SYNJ2: variants seen among roughly 807,000 people sequenced by gnomAD.
SYNJ2 encodes the protein synaptojanin 2.
SYNJ2 carries 116 observed loss-of-function variants against 141.3 expected under a neutral mutation model. That is an observed-to-expected ratio of 0.82 (90% CI 0.71 to 0.96). The LOEUF (loss-of-function observed/expected upper bound fraction) is 0.96, where lower values mean the gene tolerates loss of function less well. Ranked by LOEUF, SYNJ2 falls within the 40% of genes least tolerant of loss-of-function variation. SYNJ2 has a pLI of 0.00. For synonymous variants in SYNJ2, 745 were observed against 777.7 expected (o/e 0.96, Z 0.70); for missense variants, 1,873 against 1,934.8 (o/e 0.97, Z 0.60).
At chr6:158,095,438 T>G (rs1351487251) in intron 26 of SYNJ2, among the ~76,000 whole-genome samples, 180 bp from the exon 27 acceptor site, 1 of 152,184 alleles carries the variant, frequency 6.6e-6, no homozygotes, top group Non-Finnish European at 1.5e-5. Flanking sequence ...GTGTTTCTCC[T>G]GTGCTTTTTC....
chr6:158,059,649 G>C (rs949519366), intron 7 of SYNJ2: 70 of 931,214 alleles, frequency 7.5e-5, no homozygotes, highest in Non-Finnish European at 8.9e-5. Context: ...CTGCCTCCCA[G>C]GTACAAGCGA....
At chr6:158,058,486 T>G (rs1449593164) in intron 6 of SYNJ2, among the ~76,000 whole-genome samples, 1 of 152,228 alleles carries the variant, frequency 6.6e-6, no homozygotes, top group Admixed American at 6.5e-5. Flanking sequence ...TTGTATCTCC[T>G]TGTTGTGGTT....
chr6:158,093,971 A>G (rs779436117), intron 26 of SYNJ2: 1 of 765,240 alleles, frequency 1.3e-6, no homozygotes, highest in Non-Finnish European at 2.4e-6. Context: ...TAGCAGCCCA[A>G]AGACTGGCAT....
chr6:158,028,987 A>G lies in SYNJ2; in HGVS notation c.446A>G (p.Gln149Arg). ...RFDLTVRTQK[Q>R]GDDSSEWGNS... is the part of the protein sequence containing the mutation. The stretch of plus-strand genomic sequence containing the variant: ...GACCTGACTGTCCGCACGCAGAAGC[A>G]GGGGGATGACAGCTCTGAATGGGGG... Residue 149 changes from glutamine to arginine, a missense_variant, in exon 3 of 27, where the codon CAG (glutamine) becomes CGG (arginine). By Grantham distance (43) the Gln-to-Arg change is conservative (BLOSUM62 1). Coordinates refer to ENST00000355585, the MANE Select transcript of SYNJ2 (RefSeq NM_003898.4). The G allele has an allele frequency of 6.2e-7, 1 of 1,610,132 alleles. No homozygotes were observed. The highest frequency in any genetic ancestry group is 8.5e-7 in the Non-Finnish European group (1 of 1,179,048).
chr6:158,033,356 A>G lies in SYNJ2; in HGVS notation c.486-99A>G, dbSNP rs945632437. 160 of 1,312,664 alleles carry G rather than the reference A, an allele frequency of 1.2e-4. 1 individual carries two copies. In the Admixed American group the frequency reaches 3.2e-3, roughly 26 times the overall value. 81.3% of individuals were successfully genotyped at this position (1,312,664 alleles called of 1,614,324 possible). A position where few individuals can be genotyped will look rare whatever the true frequency, so the allele number is the denominator to read the frequency against. Reference sequence around the variant, plus strand: ...TGCATTCGCTGACCCGAAATGCTGCACCGTGCGCCCCCCAGTTCCTCAGCC... The same window carrying G: ...TGCATTCGCTGACCCGAAATGCTGCGCCGTGCGCCCCCCAGTTCCTCAGCC... On this transcript the variant is annotated intron_variant, in intron 3 of 26. Coordinates refer to ENST00000355585, the MANE Select transcript of SYNJ2 (RefSeq NM_003898.4).
rs546404564 is a variant in SYNJ2, at chr6:158,014,531, T to G, written c.128-2673T>G. Among the ~76,000 whole-genome samples the G allele has an allele frequency of 2.0e-3, 304 of 152,342 alleles. 1 individual carries two copies. The highest frequency in any genetic ancestry group is 6.7e-3 in the African/African-American group (277 of 41,566). ...GCTACTGTGAATAATGGGAATTGGG[T>G]GTATTTTCAAGTTGTTGGCCTCTCC... On this transcript the variant is annotated intron_variant, in intron 1 of 26. Transcript: ENST00000355585.
chr6:158,064,473 C>A, intron 9 of SYNJ2, 128 bp from the exon 10 acceptor site: 1 of 1,195,512 alleles, frequency 8.4e-7, no homozygotes, highest in Non-Finnish European at 1.2e-6. Flanking sequence ...TCCTCATCCT[C>A]TGGAGGGGCA....
At position 158,050,202 on chromosome 6, in the gene SYNJ2, A is replaced by G. The variant is rs541877956; in HGVS notation, c.796-4765A>G. The stretch of plus-strand genomic sequence containing the variant: ...CCAGAAATAAGTCAAAACCAGAACC[A>G]CTCAAACTTCAGCGTGTGTGCATAG... On this transcript the variant is annotated intron_variant, in intron 5 of 26. Transcript: ENST00000355585. Among the ~76,000 whole-genome samples, 11 of 152,280 alleles carry G rather than the reference A, an allele frequency of 7.2e-5. No individual in the cohort carries two copies. The East Asian group carries it at 2.1e-3, about 29-fold the overall frequency.
intron 1 of SYNJ2, among the ~76,000 whole-genome samples, chr6:157,992,895 C>T (rs1319848274): frequency 6.6e-6 from 1 of 152,164 alleles, no homozygotes; most frequent in Non-Finnish European, 1.5e-5. Context: ...AACAGTGCTG[C>T]AACTAACATG....
chr6:158,094,298 G>A (rs141449103), intron 26 of SYNJ2, among the ~76,000 whole-genome samples: 61 of 150,174 alleles, frequency 4.1e-4, no homozygotes, highest in African/African-American at 1.1e-3. Context: ...GAAAAATAGC[G>A]TGTCAAAACT....
chr6:158,034,824 CA>C (rs1458752527), intron 4 of SYNJ2, among the ~76,000 whole-genome samples: 4 of 152,168 alleles, frequency 2.6e-5, no homozygotes, highest in African/African-American at 9.7e-5. Flanking sequence ...GTTTTACATT[CA>C]AGTCTTTAAC....
At chr6:158,038,289 G>T (rs1779745907) in intron 4 of SYNJ2, among the ~76,000 whole-genome samples, 1 of 152,104 alleles carries the variant, frequency 6.6e-6, no homozygotes, top group Admixed American at 6.5e-5. Context: ...TCTCCATGAA[G>T]TCCCCACCCA....
At chr6:158,000,651 T>TC (rs1252734788) in intron 1 of SYNJ2, among the ~76,000 whole-genome samples, 6 of 151,894 alleles carry the variant, frequency 4.0e-5, no homozygotes, top group African/African-American at 7.3e-5. Flanking sequence ...TGATCAACTC[T>TC]CCCCGCCGAC....
chr6:158,055,058 G>C (rs775850336), intron 6 of SYNJ2, 30 bp downstream of exon 6: 1 of 1,611,354 alleles, frequency 6.2e-7, no homozygotes, highest in Non-Finnish European at 8.5e-7. Flanking sequence ...ATCCAAGCCT[G>C]TCATTGTCAT....
intron 11 of SYNJ2, 47 bp from the exon 12 acceptor site, chr6:158,066,397 G>T: frequency 6.2e-7 from 1 of 1,607,466 alleles, no homozygotes; most frequent in South Asian, 1.1e-5. Flanking sequence ...GAGGATGCCT[G>T]AGCTTTGGAA....
intron 1 of SYNJ2, among the ~76,000 whole-genome samples, chr6:158,016,144 C>A (rs1016029453): frequency 2.0e-5 from 3 of 152,144 alleles, no homozygotes; most frequent in Non-Finnish European, 4.4e-5. Context: ...GACAGAGTCT[C>A]ACTCTGTCAC....
chr6:158,066,057 A>T (rs1781542264), intron 11 of SYNJ2, among the ~76,000 whole-genome samples: 1 of 152,172 alleles, frequency 6.6e-6, no homozygotes. Context: ...TACACAATGA[A>T]ATATGGTCAG....
In SYNJ2 at chr6:158,027,766, C is replaced by CCTGTCCT. The variant is rs1318431926; in HGVS notation, c.215-984_215-983insTCTGTCC. ...ATGCTATTGGCACGTACGAGGGGTG[C>CCTGTCCT]CTGTCCGTGTCTTGGGAGAGCAAGG... On this transcript the variant is annotated intron_variant, in intron 2 of 26. Coordinates refer to ENST00000355585, the MANE Select transcript of SYNJ2 (RefSeq NM_003898.4). This position sits in a 1 kb window ranked among gnomAD's most constrained non-coding sequence, Gnocchi z 4.6. 6.6e-6 allele frequency: 1 copy of CCTGTCCT among 152,166 alleles called. No individual in the cohort carries two copies. The highest frequency in any genetic ancestry group is 1.5e-5 in the Non-Finnish European group (1 of 68,104). 9.4% of individuals were successfully genotyped at this position (152,166 alleles called of 1,614,324 possible).
At chr6:158,089,021 TTC>T (rs1263424731) in intron 24 of SYNJ2, among the ~76,000 whole-genome samples, 1 of 152,164 alleles carries the variant, frequency 6.6e-6, no homozygotes, top group African/African-American at 2.4e-5. Flanking sequence ...ACTCATCCAT[TTC>T]TCTCTCTTCC....
Sources: allele counts gnomAD v4.1 joint callset (sites outside exome capture counted in the v4.1 genomes callset), GRCh38; gene constraint gnomAD v4.1.1; non-coding constraint Gnocchi (gnomAD v3.1); transcripts MANE v1.5; gene names NCBI Gene and HGNC (gene_info 2026-07-23, HGNC 2026-07-21).